MBNL3: variants seen among roughly 807,000 people sequenced by gnomAD.
The protein encoded by MBNL3 is muscleblind-like protein 3.
A neutral mutation model predicts 24.5 loss-of-function variants in MBNL3; 6 were observed. The ratio of observed to expected loss-of-function variants is 0.25; its 90% CI spans 0.13 to 0.48. The LOEUF (loss-of-function observed/expected upper bound fraction) is 0.48. MBNL3 is among the 20% of genes least tolerant of loss of function. MBNL3 has a pLI of 0.99. For synonymous variants in MBNL3, 100 were observed against 101.7 expected (o/e 0.98, Z 0.10); for missense variants, 230 against 293.5 (o/e 0.78, Z 1.58).
chrX:132,453,921 G>A (rs369917300), intron 1 of MBNL3, among the ~76,000 whole-genome samples: 3 of 110,363 alleles, frequency 2.7e-5, no homozygotes, highest in African/African-American at 6.6e-5. Context: ...ATGAAACCCC[G>A]TCTTCACTAA....
At chrX:132,434,590 G>C (rs1245119269) in intron 2 of MBNL3, among the ~76,000 whole-genome samples, 1 of 112,101 alleles carries the variant, frequency 8.9e-6, no homozygotes, top group Non-Finnish European at 1.9e-5. Context: ...CAGATGTCAT[G>C]CACATCATTT....
In MBNL3 at chrX:132,433,849, C is replaced by G. The variant is rs186967404; in HGVS notation, c.177+5586G>C. Among the ~76,000 whole-genome samples the G allele has an allele frequency of 1.1e-3, 123 of 111,338 alleles. 1 individual carries two copies. Among genetic ancestry groups the G allele is most frequent in the African/African-American group, 3.7e-3 (113 of 30,628 alleles). ...AGTTTCCTCACACACACCAGGCTGC[C>G]GCCAGCTTCAGGGCCTTAGCTGTCG... On this transcript the variant is annotated intron_variant, in intron 2 of 8. Transcript: ENST00000370853.
At position 132,387,142 on chromosome X, in the gene MBNL3, C is replaced by T. The variant is rs763263082; in HGVS notation, c.772-331G>A. Among the ~76,000 whole-genome samples, 3 of 108,012 alleles carry T rather than the reference C, an allele frequency of 2.8e-5. No individual in the cohort carries two copies. The South Asian group carries it at 1.2e-3, about 45-fold the overall frequency. The allele number at this position is 108,012 out of a possible 115,157, so 93.8% of individuals were successfully genotyped here. Reference sequence around the variant, plus strand: ...GAAAAAGTAGCCAGGCATGGTGGTGCATGCCTGTGGTCCCAGCTACTTGGG... The same window carrying T: ...GAAAAAGTAGCCAGGCATGGTGGTGTATGCCTGTGGTCCCAGCTACTTGGG... On this transcript the variant is annotated intron_variant, in intron 5 of 8. Coordinates refer to ENST00000370853, the MANE Select transcript of MBNL3 (RefSeq NM_001386889.1).
chrX:132,400,773 TGTA>T (rs1198844074), intron 3 of MBNL3, among the ~76,000 whole-genome samples: 2 of 111,562 alleles, frequency 1.8e-5, no homozygotes, highest in Non-Finnish European at 3.8e-5. Flanking sequence ...TTTCAGAAAA[TGTA>T]GTAAAATCCA....
chrX:132,422,157 A>G (rs920368142), intron 2 of MBNL3, among the ~76,000 whole-genome samples: 1 of 109,029 alleles, frequency 9.2e-6, no homozygotes, highest in African/African-American at 3.3e-5. Context: ...GTGTGTGTGT[A>G]CATATACACA....
chrX:132,413,673 T>C, intron 2 of MBNL3: 3 of 990,630 alleles, frequency 3.0e-6, no homozygotes, highest in Non-Finnish European at 3.9e-6. Flanking sequence ...TTCACACGGC[T>C]CGCTACCCTG....
At chrX:132,444,029 C>T (rs1433689591) in intron 1 of MBNL3, among the ~76,000 whole-genome samples, 3 of 82,474 alleles carry the variant, frequency 3.6e-5, no homozygotes, top group Non-Finnish European at 6.7e-5. Flanking sequence ...TACCACAATA[C>T]TGTGTTACTC....
intron 1 of MBNL3, among the ~76,000 whole-genome samples, chrX:132,463,611 C>T (rs1603264367): frequency 1.8e-5 from 2 of 111,884 alleles, no homozygotes; most frequent in East Asian, 5.6e-4. Context: ...TATAACCACG[C>T]ACCACCTAGT....
chrX:132,413,633 T>G (rs938875489), intron 2 of MBNL3: 1 of 1,055,683 alleles, frequency 9.5e-7, no homozygotes, highest in African/African-American at 1.9e-5. Context: ...AGACAGCAAT[T>G]TTTGATCCAT....
chrX:132,485,242 C>G, intron 1 of MBNL3, among the ~76,000 whole-genome samples: 1 of 111,394 alleles, frequency 9.0e-6, no homozygotes, highest in Non-Finnish European at 1.9e-5. Flanking sequence ...TTTGAATTGA[C>G]CACTAATTTG....
intron 1 of MBNL3, among the ~76,000 whole-genome samples, chrX:132,443,254 A>T (rs2148449444): frequency 8.9e-6 from 1 of 111,958 alleles, no homozygotes; most frequent in African/African-American, 3.2e-5. Context: ...AAGCTCATAG[A>T]GGTTAAATTA....
At chrX:132,458,806 C>CT (rs1261532058) in intron 1 of MBNL3, among the ~76,000 whole-genome samples, 1 of 109,274 alleles carries the variant, frequency 9.2e-6, no homozygotes, top group Non-Finnish European at 1.9e-5. Flanking sequence ...GACCATGTTT[C>CT]TCAGGCCTCT....
chrX:132,416,272 C>T (rs775060507), intron 2 of MBNL3, among the ~76,000 whole-genome samples: 9 of 111,828 alleles, frequency 8.0e-5, no homozygotes, highest in Non-Finnish European at 1.7e-4. Context: ...AAGTGGAGAA[C>T]ATTATGTTAA....
intron 2 of MBNL3, among the ~76,000 whole-genome samples, chrX:132,438,449 A>G (rs942897144): frequency 9.0e-5 from 10 of 111,294 alleles, no homozygotes; most frequent in African/African-American, 3.3e-4. Flanking sequence ...AAAAATGTTA[A>G]TGAGGTAAAA....
rs1945320945 is a variant in MBNL3, at chrX:132,440,168, C to A, written c.-557G>T. 9.1e-6 allele frequency among the ~76,000 whole-genome samples: 1 copy of A among 110,269 alleles called. No homozygotes were observed. On this transcript the variant is annotated 5_prime_UTR_variant, in exon 2 of 9. Transcript: ENST00000370853. ...ATCACAGAAAAAAGAAATGGACCAGCTGCTGACAGTAAACTACAAGCACAC... is the reference window on the plus strand; with the variant it reads ...ATCACAGAAAAAAGAAATGGACCAGATGCTGACAGTAAACTACAAGCACAC...
intron 2 of MBNL3, among the ~76,000 whole-genome samples, chrX:132,407,380 G>T: frequency 8.9e-6 from 1 of 112,133 alleles, no homozygotes; most frequent in East Asian, 2.8e-4. Flanking sequence ...TAAAGTCAGT[G>T]TGAGAAATTA....
rs1011721083 is a variant in MBNL3, at chrX:132,465,076, A to G, written c.-704+23775T>C. ...AATAAATAAATAATAAAAACTTTTT[A>G]AAAAGGGAAGTAAAACAGACTTTTT... is the stretch of plus-strand genomic sequence containing the variant. On this transcript the variant is annotated intron_variant, in intron 1 of 8. Transcript: ENST00000370853. Among the ~76,000 whole-genome samples, 22 of 111,589 alleles carry G rather than the reference A, an allele frequency of 2.0e-4. 1 individual carries two copies. Among genetic ancestry groups the G allele is most frequent in the South Asian group, 3.8e-4 (1 of 2,648 alleles).
chrX:132,442,623 G>A (rs764838721), intron 1 of MBNL3, among the ~76,000 whole-genome samples: 6 of 112,615 alleles, frequency 5.3e-5, no homozygotes, highest in African/African-American at 1.3e-4. Context: ...TTCTACAGAG[G>A]TCCATCAAGT....
intron 2 of MBNL3, among the ~76,000 whole-genome samples, chrX:132,434,558 A>G (rs1945000039): frequency 8.9e-6 from 1 of 112,153 alleles, no homozygotes; most frequent in African/African-American, 3.2e-5. Flanking sequence ...AATGAATAAG[A>G]TATATCAATA....
Sources: gnomAD v4.1 joint callset for allele counts (sites outside exome capture counted in the v4.1 genomes callset) on GRCh38, gnomAD v4.1.1 for gene constraint, MANE v1.5 for transcripts, NCBI Gene and HGNC (gene_info 2026-07-23, HGNC 2026-07-21) for gene names.